Variants in CRACDL observed in about 807,000 individuals in gnomAD.
CRACDL encodes the protein CRACD like, also known as CRACD-like protein.
In CRACDL, 26 loss-of-function variants were observed where a neutral mutation model predicts 70.6. That is an observed-to-expected ratio of 0.37 (90% CI 0.27 to 0.51). The LOEUF (loss-of-function observed/expected upper bound fraction) is 0.51, where lower values mean the gene tolerates loss of function less well. CRACDL is among the 20% of genes least tolerant of loss of function. The pLI is 0.94. For synonymous variants in CRACDL, 618 were observed against 615.2 expected (o/e 1.00, Z -0.07); for missense variants, 1,283 against 1,376.9 (o/e 0.93, Z 1.08).
chr2:98,799,955 C>T lies in CRACDL; in HGVS notation c.2417-2418G>A, dbSNP rs751931195. Among the ~76,000 whole-genome samples, 10 of 152,320 alleles carry T rather than the reference C, an allele frequency of 6.6e-5. No homozygotes were observed. The South Asian group carries it at 8.3e-4, about 13-fold the overall frequency. ...CTCCTGCTTGCTCCTGACCCTCAGCCGTCATCGCTTCCTCCCAGCATTCTC... is the reference window on the plus strand; with the variant it reads ...CTCCTGCTTGCTCCTGACCCTCAGCTGTCATCGCTTCCTCCCAGCATTCTC... On this transcript the variant is annotated intron_variant, in intron 7 of 9. Coordinates refer to ENST00000397899, the MANE Select transcript of CRACDL (RefSeq NM_207362.3).
chr2:98,822,656 G>T lies in CRACDL; in HGVS notation c.1617C>A (p.Arg539=). 7.7e-7 allele frequency: 1 copy of T among 1,293,464 alleles called. No homozygotes were observed. Among genetic ancestry groups the T allele is most frequent in the African/African-American group, 1.6e-5 (1 of 64,268 alleles). The allele number at this position is 1,293,464 out of a possible 1,614,324, so 80.1% of individuals were successfully genotyped here. A position where few individuals can be genotyped will look rare whatever the true frequency, so the allele number is the denominator to read the frequency against. Residue 539 remains arginine, a synonymous_variant, in exon 7 of 10, where the codon CGC becomes CGA. Coordinates refer to ENST00000397899, the MANE Select transcript of CRACDL (RefSeq NM_207362.3). The surrounding 1 kb of genome is among the most constrained non-coding windows in gnomAD (Gnocchi z 4.9). ...SLDAEAAAPE[R]PKAERAEAPP... is the part of the protein sequence containing the mutation. The stretch of plus-strand genomic sequence containing the variant: ...GCGCCTCGGCTCGCTCGGCCTTGGG[G>T]CGCTCCGGGGCGGCGGCCTCTGCGT...
At chr2:98,866,823 T>G (rs2104587260) in intron 1 of CRACDL, among the ~76,000 whole-genome samples, 1 of 152,072 alleles carries the variant, frequency 6.6e-6, no homozygotes, top group South Asian at 2.1e-4. Flanking sequence ...CCCAACACAT[T>G]AATGCCTCAA....
At chr2:98,895,456 C>G (rs1056524237) in intron 1 of CRACDL, among the ~76,000 whole-genome samples, 1 of 152,084 alleles carries the variant, frequency 6.6e-6, no homozygotes, top group Admixed American at 6.5e-5. Flanking sequence ...AGGGAAAGAA[C>G]AGGGAAGACG....
At chr2:98,865,114 G>A (rs1707083775) in intron 1 of CRACDL, among the ~76,000 whole-genome samples, 1 of 152,042 alleles carries the variant, frequency 6.6e-6, no homozygotes, top group South Asian at 2.1e-4. Flanking sequence ...TCCAACCCAA[G>A]CCCTGTGCAC....
At chr2:98,893,864 T>G (rs1395668716) in intron 1 of CRACDL, among the ~76,000 whole-genome samples, 1 of 152,224 alleles carries the variant, frequency 6.6e-6, no homozygotes, top group African/African-American at 2.4e-5. Context: ...CAGCAAATAC[T>G]TATGATCGCA....
intron 9 of CRACDL, among the ~76,000 whole-genome samples, chr2:98,795,081 T>A (rs1351429203): frequency 2.0e-5 from 2 of 100,714 alleles, no homozygotes; most frequent in African/African-American, 8.3e-5. Flanking sequence ...ATATATATTT[T>A]TTTTTTTTTT....
intron 1 of CRACDL, among the ~76,000 whole-genome samples, chr2:98,903,038 A>G (rs1183096767): frequency 6.6e-6 from 1 of 152,072 alleles, no homozygotes; most frequent in Non-Finnish European, 1.5e-5. Flanking sequence ...CCAACTGCAC[A>G]GCAGCAGGCG....
chr2:98,801,554 G>A (rs1283598670), intron 7 of CRACDL, among the ~76,000 whole-genome samples: 1 of 152,260 alleles, frequency 6.6e-6, no homozygotes, highest in Non-Finnish European at 1.5e-5. Context: ...ACTTGCTAGT[G>A]TGGTGTGAAG....
chr2:98,861,710 T>A (rs1360352099), intron 1 of CRACDL, among the ~76,000 whole-genome samples: 1 of 152,162 alleles, frequency 6.6e-6, no homozygotes, highest in Non-Finnish European at 1.5e-5. Context: ...TCTGATGTAA[T>A]TATTTTGAAA....
At chr2:98,896,679 A>G (rs1708133925) in intron 1 of CRACDL, among the ~76,000 whole-genome samples, 1 of 152,106 alleles carries the variant, frequency 6.6e-6, no homozygotes, top group South Asian at 2.1e-4. Flanking sequence ...CTGCGTCTGG[A>G]GGGAGGGCTG....
At chr2:98,816,339 TA>T (rs1269705855) in intron 7 of CRACDL, among the ~76,000 whole-genome samples, 1 of 152,158 alleles carries the variant, frequency 6.6e-6, no homozygotes, top group African/African-American at 2.4e-5. Context: ...AGTCCCTTTT[TA>T]TGTCACTTTT....
intron 1 of CRACDL, among the ~76,000 whole-genome samples, chr2:98,924,028 TGTA>T (rs749327777): frequency 2.0e-5 from 3 of 152,244 alleles, no homozygotes; most frequent in Non-Finnish European, 4.4e-5. Flanking sequence ...AAAGAACTGT[TGTA>T]GTATTAACAT....
At chr2:98,912,529 A>T (rs551931265) in intron 1 of CRACDL, among the ~76,000 whole-genome samples, 1 of 152,290 alleles carries the variant, frequency 6.6e-6, no homozygotes, top group African/African-American at 2.4e-5. Context: ...CTCATCTATG[A>T]TCGGGCTTGT....
chr2:98,922,345 C>T (rs1005128769), intron 1 of CRACDL, among the ~76,000 whole-genome samples: 6 of 147,762 alleles, frequency 4.1e-5, no homozygotes, highest in Non-Finnish European at 8.9e-5. Context: ...GAGGCTGAGG[C>T]AGGGGAATCG....
intron 1 of CRACDL, among the ~76,000 whole-genome samples, chr2:98,875,093 C>T (rs759439043): frequency 2.0e-5 from 3 of 152,202 alleles, no homozygotes; most frequent in African/African-American, 7.2e-5. Context: ...AAACCACATT[C>T]GCAGGAATGC....
intron 6 of CRACDL, among the ~76,000 whole-genome samples, chr2:98,824,427 G>A (rs1236546078): frequency 6.6e-6 from 1 of 152,232 alleles, no homozygotes; most frequent in East Asian, 1.9e-4. Context: ...ACAGTGCCTT[G>A]TGATAGTCTT....
chr2:98,812,684 G>A (rs749201519), intron 7 of CRACDL, among the ~76,000 whole-genome samples: 6 of 149,532 alleles, frequency 4.0e-5, no homozygotes, highest in Non-Finnish European at 8.9e-5. Flanking sequence ...TCTTTTGCCC[G>A]TTTTCTAATT....
intron 1 of CRACDL, among the ~76,000 whole-genome samples, chr2:98,884,031 G>A (rs1480939913): frequency 6.6e-6 from 1 of 152,206 alleles, no homozygotes; most frequent in Non-Finnish European, 1.5e-5. Context: ...TGGCTGGGAA[G>A]CGGCGTGTGT....
At chr2:98,858,425 T>C (rs1573087684) in intron 1 of CRACDL, among the ~76,000 whole-genome samples, 2 of 146,624 alleles carry the variant, frequency 1.4e-5, no homozygotes, top group Admixed American at 7.1e-5. Context: ...TGAGGCATGA[T>C]AATCTCTTGA....
Sources: gnomAD v4.1 joint callset for allele counts (sites outside exome capture counted in the v4.1 genomes callset) on GRCh38, gnomAD v4.1.1 for gene constraint, Gnocchi (gnomAD v3.1) non-coding constraint, MANE v1.5 for transcripts, NCBI Gene and HGNC (gene_info 2026-07-23, HGNC 2026-07-21) for gene names.